EPHA6: variants seen among roughly 807,000 people sequenced by gnomAD.
EPHA6 encodes ephrin type-A receptor 6.
EPHA6 carries 50 observed loss-of-function variants against 112.0 expected under a neutral mutation model. The observed-to-expected ratio is 0.45, with a 90% CI of 0.36 to 0.56. The LOEUF (loss-of-function observed/expected upper bound fraction) is 0.56, where lower values mean the gene tolerates loss of function less well. EPHA6 is among the 20% of genes least tolerant of loss of function. EPHA6 has a pLI of 0.00. For missense variants in EPHA6, 1,280 were observed against 1,417.4 expected (o/e 0.90, Z 1.56); for synonymous variants, 529 against 490.7 (o/e 1.08, Z -1.03).
chr3:97,532,608 G>A lies in EPHA6; in HGVS notation c.2386+65G>A, dbSNP rs527791536. The stretch of plus-strand genomic sequence containing the variant: ...TATCTCAGTTTTTTTTTAAGAAAAG[G>A]AAAAATCTTCATAATAATACCACAG... On this transcript the variant is annotated intron_variant, in intron 11 of 17. Coordinates refer to ENST00000389672, the MANE Select transcript of EPHA6 (RefSeq NM_001080448.3). The A allele has an allele frequency of 2.9e-6, 4 of 1,358,068 alleles. No individual in the cohort carries two copies. The Admixed American group carries it at 7.6e-5, about 26-fold the overall frequency. 84.1% of individuals were successfully genotyped at this position (1,358,068 alleles called of 1,614,324 possible).
intron 5 of EPHA6, among the ~76,000 whole-genome samples, chr3:97,333,468 CTTTTTTTTTTTT>C (rs869258362): frequency 1.3e-5 from 1 of 75,856 alleles, no homozygotes; most frequent in South Asian, 4.3e-4. Flanking sequence ...TATGGCTTTT[CTTTTTTTTTTTT>C]TTTTTTTTTT....
intron 3 of EPHA6, among the ~76,000 whole-genome samples, chr3:97,070,717 T>C (rs2046324098): frequency 2.0e-5 from 3 of 152,140 alleles, no homozygotes; most frequent in Admixed American, 2.0e-4. Flanking sequence ...GAGCTAGTGC[T>C]CAAAGTTACC....
At chr3:97,153,609 T>TA (rs1018273001) in intron 3 of EPHA6, among the ~76,000 whole-genome samples, 7 of 152,202 alleles carry the variant, frequency 4.6e-5, no homozygotes, top group Admixed American at 3.3e-4. Flanking sequence ...CTCCAGGGAC[T>TA]AAAAAAACAT....
intron 3 of EPHA6, among the ~76,000 whole-genome samples, chr3:97,030,411 A>G (rs2044784621): frequency 6.6e-6 from 1 of 152,084 alleles, no homozygotes; most frequent in South Asian, 2.1e-4. Flanking sequence ...TTGGTGTTCC[A>G]GGTAGCAATT....
chr3:97,009,967 A>C (rs2044024239), intron 3 of EPHA6: 1 of 657,052 alleles, frequency 1.5e-6, no homozygotes, highest in African/African-American at 1.9e-5. Context: ...CCGTTGAAGG[A>C]TTCACATGCT....
chr3:97,330,433 A>T (rs1003821983), intron 5 of EPHA6, among the ~76,000 whole-genome samples: 10 of 152,082 alleles, frequency 6.6e-5, no homozygotes, highest in African/African-American at 1.9e-4. Flanking sequence ...CATGATATTG[A>T]TTCTTCCCAC....
intron 2 of EPHA6, among the ~76,000 whole-genome samples, chr3:96,942,185 T>C (rs111574505): frequency 0.031 from 4,771 of 152,274 alleles, 108 homozygotes; most frequent in Middle Eastern, 0.065. Flanking sequence ...CTGCTGTCTT[T>C]TTGTTTGTCT....
chr3:97,580,333 A>G (rs2107280189), intron 11 of EPHA6, among the ~76,000 whole-genome samples: 1 of 152,326 alleles, frequency 6.6e-6, no homozygotes, highest in Admixed American at 6.5e-5. Context: ...ATCCAAGCCA[A>G]TGTTTAAAAT....
intron 3 of EPHA6, among the ~76,000 whole-genome samples, chr3:97,141,428 A>T (rs1112474): frequency 0.093 from 14,183 of 152,058 alleles, 1,047 homozygotes; most frequent in Admixed American, 0.22. Flanking sequence ...CCATATGCTT[A>T]GTCATAAAGC....
At chr3:97,637,277 C>A (rs1208694274) in intron 13 of EPHA6, among the ~76,000 whole-genome samples, 1 of 152,106 alleles carries the variant, frequency 6.6e-6, no homozygotes, top group Non-Finnish European at 1.5e-5. Context: ...TTTCTGTCTT[C>A]CCTGTATAAT....
Position 97,608,731 on chromosome 3 carries a change from A to G in EPHA6, c.2513-2062A>G, listed in dbSNP as rs148577382. Among the ~76,000 whole-genome samples the G allele has an allele frequency of 3.5e-3, 533 of 151,446 alleles. 3 individuals carry two copies. Among genetic ancestry groups the G allele is most frequent in the African/African-American group, 0.012 (516 of 41,494 alleles). On this transcript the variant is annotated intron_variant, in intron 12 of 17. Transcript: ENST00000389672. Reference sequence around the variant, plus strand: ...GGAAGAAGGAGACAGGATTAAATAAATACAAGTACTAATAACAACTGGTAA... The same window carrying G: ...GGAAGAAGGAGACAGGATTAAATAAGTACAAGTACTAATAACAACTGGTAA...
intron 10 of EPHA6, among the ~76,000 whole-genome samples, chr3:97,522,569 A>G (rs1164085683): frequency 6.6e-6 from 1 of 152,092 alleles, no homozygotes; most frequent in Non-Finnish European, 1.5e-5. Flanking sequence ...TTGTAAAATG[A>G]GTTTAGAAGT....
intron 3 of EPHA6, among the ~76,000 whole-genome samples, chr3:97,181,990 T>C (rs1302674016): frequency 6.6e-6 from 1 of 152,074 alleles, no homozygotes; most frequent in Non-Finnish European, 1.5e-5. Context: ...TCCCATCTTC[T>C]TTAATTTAAA....
At chr3:97,614,536 A>G (rs1313120093) in intron 13 of EPHA6, among the ~76,000 whole-genome samples, 1 of 138,982 alleles carries the variant, frequency 7.2e-6, no homozygotes, top group Non-Finnish European at 1.5e-5. Context: ...TGTATTTTAG[A>G]AGAGACGGGG....
chr3:96,922,106 A>G (rs1182606206), intron 2 of EPHA6, among the ~76,000 whole-genome samples: 2 of 152,194 alleles, frequency 1.3e-5, no homozygotes, highest in Non-Finnish European at 2.9e-5. Flanking sequence ...TTTAAGAAAA[A>G]TATTAGCTAT....
chr3:96,922,024 C>T (rs568823037), intron 2 of EPHA6, among the ~76,000 whole-genome samples: 1 of 151,340 alleles, frequency 6.6e-6, no homozygotes, highest in South Asian at 2.1e-4. Flanking sequence ...AATGAGTCTA[C>T]CTTAATGTCT....
At chr3:97,185,222 A>G (rs895219458) in intron 3 of EPHA6, among the ~76,000 whole-genome samples, 6 of 152,216 alleles carry the variant, frequency 3.9e-5, no homozygotes, top group African/African-American at 1.2e-4. Flanking sequence ...AACGGGATCT[A>G]ATTAAACTAA....
chr3:97,718,239 G>A, intron 14 of EPHA6, among the ~76,000 whole-genome samples: 1 of 151,256 alleles, frequency 6.6e-6, no homozygotes, highest in East Asian at 1.9e-4. Flanking sequence ...AATAAAACAA[G>A]AATACTCTAG....
At chr3:97,077,282 G>A (rs554877280) in intron 3 of EPHA6, among the ~76,000 whole-genome samples, 2 of 150,560 alleles carry the variant, frequency 1.3e-5, no homozygotes, top group East Asian at 4.0e-4. Context: ...TCTTGGATGA[G>A]TTTGTGGGGT....
Sources: allele counts gnomAD v4.1 joint callset (sites outside exome capture counted in the v4.1 genomes callset), GRCh38; gene constraint gnomAD v4.1.1; transcripts MANE v1.5; gene names NCBI Gene and HGNC (gene_info 2026-07-23, HGNC 2026-07-21).